The following BCL9 variants were observed in gnomAD, a reference collection of about 807,000 sequenced individuals.
BCL9 encodes B-cell CLL/lymphoma 9 protein.
Under a neutral mutation model 88.5 loss-of-function variants are expected in BCL9, and 25 were observed. The ratio of observed to expected loss-of-function variants is 0.28; its 90% CI spans 0.21 to 0.39. The LOEUF (loss-of-function observed/expected upper bound fraction) is 0.39. BCL9 is among the 10% of genes least tolerant of loss of function. BCL9 has a pLI of 1.00. For missense variants in BCL9, 1,817 were observed against 1,877.8 expected, an observed-to-expected ratio of 0.97 and a Z score of 0.60; for synonymous variants, 711 against 673.3, an observed-to-expected ratio of 1.06 and a Z score of -0.87.
intron 8 of BCL9, 115 bp downstream of exon 8, chr1:147,621,172 T>C: frequency 8.5e-7 from 1 of 1,181,878 alleles, no homozygotes; most frequent in East Asian, 2.5e-5. Context: ...CAGTCTTTGT[T>C]GAAATGGCCA....
chr1:147,569,977 T>C (rs1023767433), intron 1 of BCL9, among the ~76,000 whole-genome samples: 9 of 152,202 alleles, frequency 5.9e-5, no homozygotes, highest in Non-Finnish European at 1.0e-4. Context: ...CAGGAGAAGA[T>C]TAGTTCTATT....
intron 1 of BCL9, among the ~76,000 whole-genome samples, chr1:147,603,541 G>C (rs892935495): frequency 2.0e-5 from 3 of 151,990 alleles, no homozygotes; most frequent in Admixed American, 2.0e-4. Context: ...TTGCTCTGTT[G>C]CCCAGGCTGG....
intron 1 of BCL9, among the ~76,000 whole-genome samples, chr1:147,582,702 AAAGT>A (rs1216643906): frequency 2.6e-5 from 4 of 152,210 alleles, no homozygotes; most frequent in Middle Eastern, 3.4e-3. Flanking sequence ...GTCCATAAAT[AAAGT>A]ATTTCTGAAG....
In BCL9 at chr1:147,621,161, G is replaced by T. The variant is rs181297779; in HGVS notation, c.2902+104G>T. On this transcript the variant is annotated intron_variant, in intron 8 of 9. Coordinates refer to ENST00000234739, the MANE Select transcript of BCL9 (RefSeq NM_004326.4). ...TGTCTTGAGTACACAGACAGAGGAG[G>T]CAGTCTTTGTTGAAATGGCCATATT... 51 of 1,276,972 alleles carry T rather than the reference G, an allele frequency of 4.0e-5. No individual in the cohort carries two copies. In the African/African-American group the frequency reaches 7.3e-4, roughly 18 times the overall value. The allele number at this position is 1,276,972 out of a possible 1,614,324, so 79.1% of individuals were successfully genotyped here. A position where few individuals can be genotyped will look rare whatever the true frequency, so the allele number is the denominator to read the frequency against.
At position 147,562,894 on chromosome 1, in the gene BCL9, G is replaced by A. The variant is rs1170218732; in HGVS notation, c.-478+21220G>A. Among the ~76,000 whole-genome samples the A allele has an allele frequency of 1.1e-4, 17 of 152,306 alleles. 2 individuals carry two copies. In the South Asian group the frequency reaches 2.1e-3, roughly 19 times the overall value. On this transcript the variant is annotated intron_variant, in intron 1 of 9. Coordinates refer to ENST00000234739, the MANE Select transcript of BCL9 (RefSeq NM_004326.4). ...TAAAATCCAAACCCCTTACCATGGCGTGGTGGAAGCCCTACAGGATCTGGT... is the reference window on the plus strand; with the variant it reads ...TAAAATCCAAACCCCTTACCATGGCATGGTGGAAGCCCTACAGGATCTGGT...
At chr1:147,618,671 A>G in intron 7 of BCL9, 145 bp from the exon 8 acceptor site, 1 of 730,660 alleles carries the variant, frequency 1.4e-6, no homozygotes, top group Non-Finnish European at 2.0e-6. Context: ...CATGCCCAAA[A>G]GAGGGTTGTA....
In BCL9 at chr1:147,624,620, C is replaced by T. The variant is rs781906958; in HGVS notation, c.3942C>T (p.Asn1314=). Residue 1314 remains asparagine (N), a synonymous_variant, in exon 10 of 10, where the codon AAC becomes AAT. Coordinates refer to ENST00000234739, the MANE Select transcript of BCL9 (RefSeq NM_004326.4). The surrounding 1 kb of genome is among the most constrained non-coding windows in gnomAD (Gnocchi z 4.4). ...LGTAPSMPGH[N]PMRPPAFLQQ... ...CAGCTCCATCCATGCCAGGCCACAACCCCATGAGACCACCAGCCTTTCTCC... is the reference window on the plus strand; with the variant it reads ...CAGCTCCATCCATGCCAGGCCACAATCCCATGAGACCACCAGCCTTTCTCC... 1.2e-5 allele frequency: 19 copies of T among 1,614,224 alleles called. No homozygotes were observed. The highest frequency in any genetic ancestry group is 1.6e-5 in the Non-Finnish European group (19 of 1,180,046).
chr1:147,550,938 A>G (rs1024016990), intron 1 of BCL9, among the ~76,000 whole-genome samples: 3 of 152,230 alleles, frequency 2.0e-5, no homozygotes, highest in Non-Finnish European at 4.4e-5. Flanking sequence ...AAGGCACTCA[A>G]TCAGCTGTAG....
At chr1:147,587,930 G>T (rs587746818) in intron 1 of BCL9, among the ~76,000 whole-genome samples, 1 of 152,222 alleles carries the variant, frequency 6.6e-6, no homozygotes, top group East Asian at 1.9e-4. Flanking sequence ...AATAAATTAC[G>T]TAGGTTTACA....
At position 147,625,158 on chromosome 1, in the gene BCL9, GTTTTT is replaced by G. The variant is rs1179536589; in HGVS notation, c.*203_*207del. On this transcript the variant is annotated 3_prime_UTR_variant, in exon 10 of 10. Transcript: ENST00000234739. ...AATTATTCATTTAATCAACAGGTGT[GTTTTT>G]TTTAAGATTTATTTTTTAAAAATTA... The G allele has an allele frequency of 4.9e-6, 3 of 606,530 alleles. No individual in the cohort carries two copies. The highest frequency in any genetic ancestry group is 7.9e-6 in the Non-Finnish European group (3 of 381,672). The allele number at this position is 606,530 out of a possible 1,614,324, so 37.6% of individuals were successfully genotyped here.
intron 1 of BCL9, among the ~76,000 whole-genome samples, chr1:147,586,591 G>T (rs945391848): frequency 6.6e-6 from 1 of 152,140 alleles, no homozygotes; most frequent in African/African-American, 2.4e-5. Flanking sequence ...TTCTGATTTG[G>T]CGGGTCTGCT....
At chr1:147,586,929 C>T (rs1389904003) in intron 1 of BCL9, among the ~76,000 whole-genome samples, 1 of 152,064 alleles carries the variant, frequency 6.6e-6, no homozygotes, top group Non-Finnish European at 1.5e-5. Context: ...CTGCCTGGTT[C>T]CTCCGCTATC....
intron 1 of BCL9, among the ~76,000 whole-genome samples, chr1:147,576,379 A>T (rs1167696971): frequency 1.3e-5 from 2 of 152,172 alleles, no homozygotes; most frequent in Non-Finnish European, 1.5e-5. Context: ...TATCATTTTA[A>T]AGGTATTATT....
In BCL9 at chr1:147,619,865, C is replaced by A. The variant is rs150675055; in HGVS notation, c.1710C>A (p.Asn570Lys). Residue 570 changes from asparagine to lysine, a missense_variant, in exon 8 of 10, where the codon AAC (asparagine) becomes AAA (lysine). By Grantham distance (94) the Asn-to-Lys change is moderately conservative (BLOSUM62 0). Around this residue, in one of 2 missense-constraint regions of BCL9, gnomAD observed 1,228 missense variants for 1,191.6 expected, o/e 1.03. Transcript: ENST00000234739. The surrounding 1 kb of genome is among the most constrained non-coding windows in gnomAD (Gnocchi z 4.1). ...TCCCTGGATTTGCAGGCATGATAAA[C>A]TCTGAAATGGAAGGGCCGAATGTCC... The part of the protein sequence containing the change: ...MRLPGFAGMI[N>K]SEMEGPNVPN... 132 of 1,614,166 alleles carry A rather than the reference C, an allele frequency of 8.2e-5. 1 individual carries two copies. The African/African-American group carries it at 1.5e-3, about 19-fold the overall frequency.
chr1:147,601,834 G>A (rs1181588312), intron 1 of BCL9, among the ~76,000 whole-genome samples: 2 of 152,160 alleles, frequency 1.3e-5, no homozygotes, highest in Non-Finnish European at 2.9e-5. Context: ...GAGCAATGAA[G>A]GTTCCATTAG....
chr1:147,556,544 A>G (rs1028762393), intron 1 of BCL9, among the ~76,000 whole-genome samples: 1 of 152,004 alleles, frequency 6.6e-6, no homozygotes, highest in Non-Finnish European at 1.5e-5. Context: ...TTGACCTCTC[A>G]GGCTTAAACA....
In BCL9 at chr1:147,620,169, G is replaced by T; in HGVS notation, c.2014G>T (p.Gly672Trp). 6.2e-7 allele frequency: 1 copy of T among 1,614,118 alleles called. No homozygotes were observed. The highest frequency in any genetic ancestry group is 1.1e-5 in the South Asian group (1 of 91,078). The change falls in exon 8 of 10, where the codon GGG becomes TGG. Residue 672 changes from glycine to tryptophan, a missense_variant. Physicochemically the swap from Gly to Trp is radical, Grantham distance 184 (BLOSUM62 -2). Transcript: ENST00000234739. ...AGGCTCCCAGCGCCACATGGAGCCT[G>T]GGAATAACCCCATTTTCCCTCGAAT... ...IPGSQRHMEP[G>W]NNPIFPRIPV...
intron 1 of BCL9, among the ~76,000 whole-genome samples, chr1:147,569,962 A>C (rs1655801117): frequency 6.6e-6 from 1 of 152,216 alleles, no homozygotes; most frequent in African/African-American, 2.4e-5. Flanking sequence ...AAGAAGAATC[A>C]GTCACAGGAG....
At chr1:147,550,483 G>A (rs1553194709) in intron 1 of BCL9, among the ~76,000 whole-genome samples, 2 of 152,178 alleles carry the variant, frequency 1.3e-5, no homozygotes, top group Non-Finnish European at 2.9e-5. Flanking sequence ...GGAGAGGGAA[G>A]TGTATTAGAG....
Sources: allele counts gnomAD v4.1 joint callset (sites outside exome capture counted in the v4.1 genomes callset), GRCh38; gene constraint gnomAD v4.1.1; regional missense constraint gnomAD v4.1.1; non-coding constraint Gnocchi (gnomAD v3.1); transcripts MANE v1.5; gene names NCBI Gene and HGNC (gene_info 2026-07-23, HGNC 2026-07-21).